The following MRPL34 variants were observed in gnomAD, a reference collection of about 807,000 sequenced individuals.
MRPL34 encodes the protein mitochondrial ribosomal protein L34, also known as large ribosomal subunit protein bL34m.
MRPL34 carries 8 observed loss-of-function variants against 6.7 expected under a neutral mutation model. The ratio of observed to expected loss-of-function variants is 1.20; its 90% CI spans 0.70 to 2.16. The LOEUF is 2.16. Ranked by LOEUF, MRPL34 falls within the 30% of genes most tolerant of loss-of-function variation. MRPL34 has a pLI of 0.00. For synonymous variants in MRPL34, 59 were observed against 55.1 expected, an observed-to-expected ratio of 1.07 and a Z score of -0.31; for missense variants, 146 against 125.5, an observed-to-expected ratio of 1.16 and a Z score of -0.78.
At chr19:17,292,602 G>A (rs1319513815), upstream of MRPL34, 2 of 1,519,694 alleles carry the variant, frequency 1.3e-6, no homozygotes, top group African/African-American at 2.7e-5. Flanking sequence ...CCTGGCGCAG[G>A]CTCGGGCCTC....
chr19:17,294,944 G>C (rs539036741), intron 1 of MRPL34: 62 of 1,429,658 alleles, frequency 4.3e-5, no homozygotes, highest in Non-Finnish European at 4.8e-6. Flanking sequence ...GTTTTTGTTT[G>C]AGACAGTTTT....
intron 1 of MRPL34, among the ~76,000 whole-genome samples, chr19:17,295,296 G>A (rs529401613): frequency 1.3e-5 from 2 of 151,456 alleles, no homozygotes; most frequent in Non-Finnish European, 2.9e-5. Context: ...TAGTAGAGAT[G>A]GGGTTTCACC....
At chr19:17,301,748 G>C, upstream of MRPL34, 2 of 1,158,628 alleles carry the variant, frequency 1.7e-6, no homozygotes, top group South Asian at 1.9e-5. Flanking sequence ...GCCAGATCAA[G>C]TGAGCCACGG....
Sources: gnomAD v4.1 joint callset for allele counts (sites outside exome capture counted in the v4.1 genomes callset) on GRCh38, gnomAD v4.1.1 for gene constraint, MANE v1.5 for transcripts, NCBI Gene and HGNC (gene_info 2026-07-23, HGNC 2026-07-21) for gene names.